Variants in CTNND2 observed in about 807,000 individuals in gnomAD.
The protein encoded by CTNND2 is catenin delta-2.
Under a neutral mutation model 144.4 loss-of-function variants are expected in CTNND2, and 22 were observed. The ratio of observed to expected loss-of-function variants is 0.15; its 90% confidence interval spans 0.11 to 0.22. The LOEUF (loss-of-function observed/expected upper bound fraction) is 0.22, where lower values mean the gene tolerates loss of function less well. Among genes scored for constraint, CTNND2 ranks in the 10% least tolerant of loss-of-function variants. The probability of loss-of-function intolerance (pLI) is 1.00; values close to 1 mark genes in which losing one functional copy is unlikely to be tolerated. For missense variants in CTNND2, 1,353 were observed against 1,618.8 expected (o/e 0.84, Z 2.82); for synonymous variants, 751 against 695.6 (o/e 1.08, Z -1.25).
At chr5:11,666,471 T>C (rs766767189) in intron 2 of CTNND2, among the ~76,000 whole-genome samples, 49 of 152,230 alleles carry the variant, frequency 3.2e-4, no homozygotes, top group Non-Finnish European at 5.7e-4. Context: ...ATAGATGGGA[T>C]TGTTTCAATA....
chr5:11,465,465 C>G (rs1455798171), intron 3 of CTNND2, among the ~76,000 whole-genome samples: 9 of 152,168 alleles, frequency 5.9e-5, no homozygotes, highest in Admixed American at 5.9e-4. Context: ...CCTAGGCATT[C>G]TCACATGATC....
intron 6 of CTNND2, among the ~76,000 whole-genome samples, chr5:11,391,006 T>C (rs1016861242): frequency 2.6e-5 from 4 of 151,530 alleles, no homozygotes; most frequent in Non-Finnish European, 1.5e-5. Context: ...CACAGAGGAG[T>C]CAAAATGTGA....
intron 16 of CTNND2, among the ~76,000 whole-genome samples, chr5:11,072,869 C>T (rs1448381724): frequency 2.0e-5 from 3 of 152,220 alleles, no homozygotes; most frequent in Non-Finnish European, 4.4e-5. Flanking sequence ...CGGTGCCCTT[C>T]CTGCTAGGCT....
At chr5:11,258,625 G>A (rs1324589740) in intron 9 of CTNND2, among the ~76,000 whole-genome samples, 1 of 152,082 alleles carries the variant, frequency 6.6e-6, no homozygotes, top group African/African-American at 2.4e-5. Flanking sequence ...AGGATTATGT[G>A]TGCGTTTTTT....
chr5:11,506,121 T>C (rs1239911185), intron 3 of CTNND2, among the ~76,000 whole-genome samples: 1 of 152,102 alleles, frequency 6.6e-6, no homozygotes, highest in South Asian at 2.1e-4. Context: ...GTAGGATAAA[T>C]TGCTAACTTC....
At chr5:11,001,486 G>T (rs1344841818) in intron 18 of CTNND2, among the ~76,000 whole-genome samples, 1 of 152,084 alleles carries the variant, frequency 6.6e-6, no homozygotes, top group Non-Finnish European at 1.5e-5. Flanking sequence ...GAACACAGAG[G>T]TGCCTAATCA....
At chr5:11,618,993 T>A (rs1409141888) in intron 2 of CTNND2, among the ~76,000 whole-genome samples, 1 of 152,190 alleles carries the variant, frequency 6.6e-6, no homozygotes, top group Non-Finnish European at 1.5e-5. Context: ...AGAAATATAT[T>A]TTGCAAAATT....
chr5:11,416,838 C>A (rs1417082297), intron 3 of CTNND2, among the ~76,000 whole-genome samples: 1 of 152,074 alleles, frequency 6.6e-6, no homozygotes. Flanking sequence ...ATAGAAATCA[C>A]CTCTAAAGAA....
At chr5:11,113,981 G>A (rs1753288851) in intron 13 of CTNND2, among the ~76,000 whole-genome samples, 1 of 152,164 alleles carries the variant, frequency 6.6e-6, no homozygotes, top group Admixed American at 6.5e-5. Flanking sequence ...AGCTTTTCAA[G>A]GTGTCATGGG....
chr5:11,566,680 G>C (rs750687798), intron 2 of CTNND2, among the ~76,000 whole-genome samples: 1 of 152,214 alleles, frequency 6.6e-6, no homozygotes, highest in African/African-American at 2.4e-5. Context: ...TCAACATGGT[G>C]AAACAGTGCA....
chr5:11,154,720 C>T (rs888664494), intron 12 of CTNND2, among the ~76,000 whole-genome samples: 7 of 152,188 alleles, frequency 4.6e-5, no homozygotes, highest in African/African-American at 1.2e-4. Context: ...TATTATCTCA[C>T]GTTCTGGACG....
At chr5:11,304,229 A>T (rs537638892) in intron 9 of CTNND2, among the ~76,000 whole-genome samples, 1 of 152,152 alleles carries the variant, frequency 6.6e-6, no homozygotes, top group Non-Finnish European at 1.5e-5. Flanking sequence ...TTAATACTGT[A>T]TTAAAATACT....
intron 2 of CTNND2, among the ~76,000 whole-genome samples, chr5:11,618,070 C>T (rs1306895349): frequency 4.6e-5 from 7 of 152,032 alleles, no homozygotes; most frequent in African/African-American, 1.7e-4. Flanking sequence ...TCTGCCTCCT[C>T]TACCTAACCC....
At chr5:11,060,625 T>C (rs1580170824) in intron 16 of CTNND2, among the ~76,000 whole-genome samples, 1 of 152,190 alleles carries the variant, frequency 6.6e-6, no homozygotes, top group Non-Finnish European at 1.5e-5. Flanking sequence ...CCAAGATGCC[T>C]CAACAGTAGT....
chr5:11,455,606 T>C (rs558962742), intron 3 of CTNND2, among the ~76,000 whole-genome samples: 1 of 152,334 alleles, frequency 6.6e-6, no homozygotes, highest in African/African-American at 2.4e-5. Flanking sequence ...GAAAGCTCTC[T>C]GGGAGTCAAT....
intron 3 of CTNND2, among the ~76,000 whole-genome samples, chr5:11,417,237 A>G (rs534351523): frequency 3.8e-4 from 58 of 152,332 alleles, no homozygotes; most frequent in Admixed American, 3.7e-3. Flanking sequence ...TTAGTAGAGA[A>G]GCCAGGGTTA....
intron 1 of CTNND2, among the ~76,000 whole-genome samples, chr5:11,863,425 C>G (rs1230887494): frequency 5.9e-5 from 9 of 152,094 alleles, no homozygotes; most frequent in Admixed American, 5.9e-4. Context: ...GCTTAGGAAC[C>G]AATTATTTTT....
At chr5:11,783,199 A>G (rs1200549821) in intron 1 of CTNND2, among the ~76,000 whole-genome samples, 1 of 152,168 alleles carries the variant, frequency 6.6e-6, no homozygotes, top group Non-Finnish European at 1.5e-5. Context: ...GGGAGCCAAG[A>G]GAATGCAGGA....
chr5:11,105,161 C>T (rs1328707813), intron 14 of CTNND2, among the ~76,000 whole-genome samples: 2 of 152,252 alleles, frequency 1.3e-5, no homozygotes, highest in African/African-American at 2.4e-5. Flanking sequence ...ATTCTCTCTG[C>T]TCCTAATTTG....
Sources: gnomAD v4.1 joint callset for allele counts (sites outside exome capture counted in the v4.1 genomes callset) on GRCh38, gnomAD v4.1.1 for gene constraint, MANE v1.5 for transcripts, NCBI Gene and HGNC (gene_info 2026-07-23, HGNC 2026-07-21) for gene names.